Variants in TJP1 observed in about 807,000 individuals in gnomAD.
The protein encoded by TJP1 is tight junction protein ZO-1.
In TJP1, 43 loss-of-function variants were observed where a neutral mutation model predicts 194.2. The ratio of observed to expected loss-of-function variants is 0.22; its 90% CI spans 0.17 to 0.29. The LOEUF (loss-of-function observed/expected upper bound fraction) is 0.29, where lower values mean the gene tolerates loss of function less well. Ranked by LOEUF, TJP1 falls within the 10% of genes least tolerant of loss-of-function variation. The probability of loss-of-function intolerance (pLI) is 1.00; values close to 1 mark genes in which losing one functional copy is unlikely to be tolerated. For missense variants in TJP1, 1,971 were observed against 2,185.7 expected (o/e 0.90, Z 1.96); for synonymous variants, 801 against 779.0 (o/e 1.03, Z -0.47).
chr15:29,728,697 A>T (rs1386901889), intron 15 of TJP1: 1 of 152,312 alleles, frequency 6.6e-6, no homozygotes, highest in African/African-American at 2.4e-5. Flanking sequence ...TCTGGTCACA[A>T]GGAAAGTTTG....
At chr15:29,949,136 T>TCCACAACCA (rs1464373711) in intron 2 of TJP1, among the ~76,000 whole-genome samples, 20 of 118,932 alleles carry the variant, frequency 1.7e-4, no homozygotes, top group Non-Finnish European at 7.1e-5. Flanking sequence ...CACCTCCACC[T>TCCACAACCA]CCACCTTCAC....
At chr15:29,811,241 G>C (rs949857424) in intron 1 of TJP1, among the ~76,000 whole-genome samples, 5 of 152,066 alleles carry the variant, frequency 3.3e-5, no homozygotes, top group Non-Finnish European at 7.4e-5. Context: ...TCTAAAGGTA[G>C]TTAAGCAGCC....
At chr15:29,713,515 CA>C (rs2042368630) in intron 23 of TJP1, among the ~76,000 whole-genome samples, 1 of 152,198 alleles carries the variant, frequency 6.6e-6, no homozygotes, top group Admixed American at 6.5e-5. Flanking sequence ...AGCATAAGCA[CA>C]CATCATCTGA....
intron 11 of TJP1, among the ~76,000 whole-genome samples, chr15:29,734,763 G>C (rs1275662347): frequency 3.3e-5 from 5 of 152,038 alleles, no homozygotes; most frequent in Non-Finnish European, 7.4e-5. Context: ...TGGGACTACA[G>C]GCATGAGTCA....
At chr15:29,961,963 G>A (rs2056180214) in intron 1 of TJP1, among the ~76,000 whole-genome samples, 1 of 152,088 alleles carries the variant, frequency 6.6e-6, no homozygotes. Flanking sequence ...ATCTTCCCTG[G>A]TCAAGGACAT....
chr15:29,724,765 A>T (rs1273975488), intron 18 of TJP1, among the ~76,000 whole-genome samples: 1 of 152,248 alleles, frequency 6.6e-6, no homozygotes, highest in African/African-American at 2.4e-5. Flanking sequence ...TGTAAGTTGT[A>T]ACAACCTTTT....
chr15:29,748,564 CTTTTTTTTTTTTT>C (rs61364565), intron 8 of TJP1, among the ~76,000 whole-genome samples: 3 of 73,356 alleles, frequency 4.1e-5, no homozygotes, highest in Non-Finnish European at 2.4e-5. Flanking sequence ...CTTCCTAATT[CTTTTTTTTTTTTT>C]TTTTTTTTTT....
At chr15:29,966,612 C>A (rs1383215754) in intron 1 of TJP1, among the ~76,000 whole-genome samples, 2 of 152,092 alleles carry the variant, frequency 1.3e-5, no homozygotes, top group East Asian at 3.8e-4. Flanking sequence ...TCCATTTATT[C>A]AACAAATATT....
intron 7 of TJP1, 52 bp from the exon 8 acceptor site, chr15:29,761,338 G>T: frequency 6.3e-7 from 1 of 1,598,238 alleles, no homozygotes; most frequent in Non-Finnish European, 8.6e-7. Context: ...TTACAGTCAA[G>T]TATAAGGTAC....
intron 2 of TJP1, among the ~76,000 whole-genome samples, chr15:29,838,894 G>T (rs1464785366): frequency 6.7e-6 from 1 of 150,094 alleles, no homozygotes; most frequent in Non-Finnish European, 1.5e-5. Context: ...AATTATGTTT[G>T]TTCATCACCG....
chr15:29,949,952 A>T (rs1436114040), intron 2 of TJP1, among the ~76,000 whole-genome samples: 1 of 31,784 alleles, frequency 3.1e-5, no homozygotes, highest in Non-Finnish European at 4.8e-5. Context: ...CACAACCACC[A>T]CCACCACCTC....
chr15:29,955,180 C>T (rs2049260), intron 2 of TJP1, among the ~76,000 whole-genome samples: 65,745 of 151,992 alleles, frequency 0.43, 14,655 homozygotes, highest in East Asian at 0.79. Flanking sequence ...TAGTTTCATA[C>T]TTTGATGTCA....
At chr15:29,714,353 C>G (rs2042420948) in intron 23 of TJP1, among the ~76,000 whole-genome samples, 4 of 151,660 alleles carry the variant, frequency 2.6e-5, no homozygotes, top group Admixed American at 2.6e-4. Context: ...ATTCTCCTGC[C>G]TCAGCCTCCA....
intron 2 of TJP1, among the ~76,000 whole-genome samples, chr15:29,879,284 G>C (rs184571410): frequency 7.9e-5 from 12 of 152,160 alleles, no homozygotes; most frequent in Non-Finnish European, 1.6e-4. Context: ...GAAAGGTAAC[G>C]CCATGCGGTC....
intron 8 of TJP1, among the ~76,000 whole-genome samples, chr15:29,757,888 T>C (rs1215878592): frequency 6.6e-6 from 1 of 152,172 alleles, no homozygotes; most frequent in African/African-American, 2.4e-5. Flanking sequence ...CTTCCACCTC[T>C]GCCACCCATG....
At position 29,866,379 on chromosome 15, in the gene TJP1, AGT is replaced by A. The variant is rs376569172; in HGVS notation, c.307-65679_307-65678del. ...AACATAAAGGATGGTTGCAATAAAC[AGT>A]GTGTTTTGTTTATGAAGAAAAATGT... is the stretch of plus-strand genomic sequence containing the variant. On this transcript the variant is annotated intron_variant, in intron 2 of 28. Transcript: ENST00000356107. Among the ~76,000 whole-genome samples, 45 of 152,356 alleles carry A rather than the reference AGT, an allele frequency of 3.0e-4. No individual in the cohort carries two copies. The South Asian group carries it at 9.3e-3, about 32-fold the overall frequency.
At chr15:29,820,428 A>C (rs1159240937) in intron 1 of TJP1, 1 of 686,180 alleles carries the variant, frequency 1.5e-6, no homozygotes, top group Admixed American at 2.2e-5. Context: ...AATGTTTACA[A>C]TGCAAAAAAG....
rs539819921 is a variant in TJP1 at position 29,895,977 on chromosome 15, G to A, written c.306+60255C>T. 4.6e-5 allele frequency among the ~76,000 whole-genome samples: 7 copies of A among 152,290 alleles called. No homozygotes were observed. In the East Asian group the frequency reaches 9.7e-4, roughly 21 times the overall value. On this transcript the variant is annotated intron_variant, in intron 2 of 28. Coordinates refer to the TJP1 transcript ENST00000356107. ...TTCTGTCCTCACGTGATGTAAGGAG[G>A]CAGGGCAGCTCTCTGGGGCCTCTTC...
chr15:29,784,902 G>A lies in TJP1; in HGVS notation c.85-11545C>T, dbSNP rs535378020. On this transcript the variant is annotated intron_variant, in intron 2 of 27. Transcript: ENST00000614355. The stretch of plus-strand genomic sequence containing the variant: ...AACAGAGAAATAAATGATAGCATGT[G>A]CAAAAAAAAATTTTTACTGTTTCCA... 8.6e-5 allele frequency among the ~76,000 whole-genome samples: 13 copies of A among 151,984 alleles called. No homozygotes were observed. In the East Asian group the frequency reaches 1.2e-3, roughly 14 times the overall value.
Sources: allele counts gnomAD v4.1 joint callset (sites outside exome capture counted in the v4.1 genomes callset), GRCh38; gene constraint gnomAD v4.1.1; transcripts MANE v1.5; gene names NCBI Gene and HGNC (gene_info 2026-07-23, HGNC 2026-07-21).